HSPA9: variants seen among roughly 807,000 people sequenced by gnomAD.
HSPA9 encodes stress-70 protein, mitochondrial.
Under a neutral mutation model 81.5 loss-of-function variants are expected in HSPA9, and 28 were observed. The observed-to-expected ratio is 0.34, with a 90% confidence interval of 0.25 to 0.47. HSPA9 has a LOEUF of 0.47. Among genes scored for constraint, HSPA9 ranks in the 20% least tolerant of loss-of-function variants. The probability of loss-of-function intolerance (pLI) is 1.00; values close to 1 mark genes in which losing one functional copy is unlikely to be tolerated. For missense variants in HSPA9, 678 were observed against 838.0 expected (o/e 0.81, Z 2.36); for synonymous variants, 293 against 290.4 (o/e 1.01, Z -0.09).
At chr5:138,561,512 C>A in intron 10 of HSPA9, 68 bp downstream of exon 10, 1 of 1,269,936 alleles carries the variant, frequency 7.9e-7, no homozygotes, top group Non-Finnish European at 1.1e-6. Context: ...TATATTTGTG[C>A]CACCTGTCCC....
intron 3 of HSPA9, 82 bp from the exon 4 acceptor site, chr5:138,571,223 A>G (rs952246983): frequency 2.1e-5 from 29 of 1,381,674 alleles, no homozygotes; most frequent in Middle Eastern, 2.5e-4. Context: ...CTCTGTCGCT[A>G]AGGCTGGAGT....
intron 5 of HSPA9, among the ~76,000 whole-genome samples, chr5:138,568,362 A>G (rs1750810870): frequency 6.6e-6 from 1 of 151,598 alleles, no homozygotes; most frequent in Non-Finnish European, 1.5e-5. Context: ...GTGGCTAGGC[A>G]TGATGGCGCA....
Position 138,558,655 on chromosome 5 carries a change from T to C in HSPA9, c.1413A>G (p.Val471=), listed in dbSNP as rs772354385. 1 of 1,604,036 alleles carries C rather than the reference T, an allele frequency of 6.2e-7. No homozygotes were observed. The highest frequency in any genetic ancestry group is 8.5e-7 in the Non-Finnish European group (1 of 1,170,866). ...TTTGACCATCAGCGGCAGTAGAGAATACCTAGGGAAGAAGAAACCCTCCTG... is the reference window on the plus strand; with the variant it reads ...TTTGACCATCAGCGGCAGTAGAGAACACCTAGGGAAGAAGAAACCCTCCTG... ...NTTIPTKKSQ[V]FSTAADGQTQ... The change falls in exon 12 of 17, where the codon GTA becomes GTG. Residue 471 remains valine, a splice_region_variant and synonymous_variant. Transcript: ENST00000297185.
intron 14 of HSPA9, 194 bp from the exon 15 acceptor site, chr5:138,557,060 T>C: frequency 3.1e-6 from 2 of 635,776 alleles, no homozygotes; most frequent in Non-Finnish European, 5.6e-6. Flanking sequence ...AACATCAGAA[T>C]TGTGACAGGG....
rs1285567297 is a variant in HSPA9 at position 138,559,851 on chromosome 5, T to C, written c.1410+13A>G. 3.2e-6 allele frequency: 5 copies of C among 1,547,216 alleles called. No homozygotes were observed. Among genetic ancestry groups the C allele is most frequent in the Non-Finnish European group, 4.5e-6 (5 of 1,119,194 alleles). ...AAAACCCATGTGACAAGGTAGGAAG[T>C]GATGGCTCTTACCTGGCTCTTCTTG... On this transcript the variant is annotated intron_variant, in intron 11 of 16. Transcript: ENST00000297185.
intron 13 of HSPA9, 137 bp from the exon 14 acceptor site, chr5:138,557,633 C>T: frequency 1.3e-6 from 1 of 748,028 alleles, no homozygotes; most frequent in Middle Eastern, 3.6e-4. Context: ...ACCCTATAGT[C>T]CTATAAAGCA....
At position 138,573,853 on chromosome 5, in the gene HSPA9, GTAAGACAT is replaced by G; in HGVS notation, c.141-11_141-4del. 6.2e-7 allele frequency: 1 copy of G among 1,606,808 alleles called. No individual in the cohort carries two copies. The highest frequency in any genetic ancestry group is 8.5e-7 in the Non-Finnish European group (1 of 1,173,538). ...CTGCTCCCTTGATTGCTTCTGATCT[GTAAGACAT>G]TTAGAACAGTGTCACAGCTATTGTT... On this transcript the variant is annotated splice_polypyrimidine_tract_variant and splice_region_variant and intron_variant, in intron 2 of 16. Coordinates refer to ENST00000297185, the MANE Select transcript of HSPA9 (RefSeq NM_004134.7).
rs752582450 is a variant in HSPA9, at chr5:138,568,971, C to T, written c.489G>A (p.Pro163=). 55 of 1,613,806 alleles carry T rather than the reference C, an allele frequency of 3.4e-5. 3 individuals carry two copies. Among genetic ancestry groups the T allele is most frequent in the Admixed American group, 2.3e-4 (14 of 59,984 alleles). Reference sequence around the variant, plus strand: ...TCAACACAAATGCTCCAATCTGACTCGGAGAATACAATTTCCCATGAGCCT... The same window carrying T: ...TCAACACAAATGCTCCAATCTGACTTGGAGAATACAATTTCCCATGAGCCT... ...WVEAHGKLYS[P]SQIGAFVLMK... Residue 163 remains proline, a synonymous_variant, in exon 5 of 17, where the codon CCG becomes CCA. Coordinates refer to ENST00000297185, the MANE Select transcript of HSPA9 (RefSeq NM_004134.7).
intron 3 of HSPA9, among the ~76,000 whole-genome samples, chr5:138,573,390 G>A (rs1455932893): frequency 6.6e-6 from 1 of 152,090 alleles, no homozygotes; most frequent in Non-Finnish European, 1.5e-5. Context: ...GCCAGGCTTA[G>A]TGGTTCACAT....
At chr5:138,561,920 T>TTAAATGAA in intron 9 of HSPA9, 131 bp from the exon 10 acceptor site, 1 of 759,222 alleles carries the variant, frequency 1.3e-6, no homozygotes, top group East Asian at 2.6e-5. Context: ...GAGATCTAAT[T>TTAAATGAA]TAAATGAATA....
In HSPA9 at chr5:138,575,107, C is replaced by A. The variant is rs1751059339; in HGVS notation, c.81+131G>T. On this transcript the variant is annotated intron_variant, in intron 1 of 16. Coordinates refer to ENST00000297185, the MANE Select transcript of HSPA9 (RefSeq NM_004134.7). ...CCCGGCAGCGCTAACTATGGAAGGC[C>A]CGTTACCTTCCTTCCCGCCTGACCT... The A allele has an allele frequency of 5.1e-5, 34 of 669,970 alleles. 1 individual carries two copies. In the South Asian group the frequency reaches 6.1e-4, roughly 12 times the overall value. 41.5% of individuals were successfully genotyped at this position (669,970 alleles called of 1,614,324 possible). A position where few individuals can be genotyped will look rare whatever the true frequency, so the allele number is the denominator to read the frequency against.
chr5:138,567,189 AG>A (rs756397191), intron 7 of HSPA9, 26 bp from the exon 8 acceptor site: 2 of 1,416,336 alleles, frequency 1.4e-6, no homozygotes, highest in Non-Finnish European at 2.0e-6. Flanking sequence ...GAAAAAAAAA[AG>A]AAAAGAAATC....
rs1472690352 is a variant in HSPA9 at position 138,555,920 on chromosome 5, T to C, written c.*117A>G. On this transcript the variant is annotated 3_prime_UTR_variant, in exon 17 of 17. Transcript: ENST00000297185. ...AAATTTACAAATTAAGGAAATTATA[T>C]ATAGAATACTGCAAAAACACAGTAA... 1.4e-6 allele frequency: 1 copy of C among 737,938 alleles called. No homozygotes were observed. Among genetic ancestry groups the C allele is most frequent in the East Asian group, 2.6e-5 (1 of 37,756 alleles). 45.7% of individuals were successfully genotyped at this position (737,938 alleles called of 1,614,324 possible).
Position 138,556,881 on chromosome 5 carries a change from A to C in HSPA9, c.1729-15T>G, listed in dbSNP as rs2127152602. 1.3e-6 allele frequency: 2 copies of C among 1,593,646 alleles called. No individual in the cohort carries two copies. The highest frequency in any genetic ancestry group is 1.1e-5 in the South Asian group (1 of 90,642). On this transcript the variant is annotated splice_polypyrimidine_tract_variant and intron_variant, in intron 14 of 16. Coordinates refer to ENST00000297185, the MANE Select transcript of HSPA9 (RefSeq NM_004134.7). ...TCAACTCGTTCCTTAGAGAAATTAG[A>C]AGTTTAAACGAAGACTTTCCAATCA...
chr5:138,561,868 C>T (rs1175973667), intron 9 of HSPA9, 79 bp from the exon 10 acceptor site: 35 of 1,110,740 alleles, frequency 3.2e-5, no homozygotes, highest in Non-Finnish European at 4.2e-5. Context: ...TAAAATATGA[C>T]CATGCCCTAG....
At chr5:138,563,829 T>C (rs1750707414) in intron 9 of HSPA9, among the ~76,000 whole-genome samples, 1 of 152,230 alleles carries the variant, frequency 6.6e-6, no homozygotes, top group Non-Finnish European at 1.5e-5. Flanking sequence ...AGTTTACAAA[T>C]TTGTGTTGGG....
At chr5:138,566,884 G>C in intron 8 of HSPA9, 117 bp downstream of exon 8, 1 of 1,202,884 alleles carries the variant, frequency 8.3e-7, no homozygotes, top group Admixed American at 1.7e-5. Context: ...TCTGAAAAGA[G>C]TATCTGTGTC....
rs1750492011 is a variant in HSPA9, at chr5:138,555,163, CATGCTG to C, written c.*868_*873del. 6.6e-6 allele frequency: 1 copy of C among 152,124 alleles called. No individual in the cohort carries two copies. The highest frequency in any genetic ancestry group is 6.5e-5 in the Admixed American group (1 of 15,268). The allele number at this position is 152,124 out of a possible 1,614,324, so 9.4% of individuals were successfully genotyped here. A position where few individuals can be genotyped will look rare whatever the true frequency, so the allele number is the denominator to read the frequency against. On this transcript the variant is annotated 3_prime_UTR_variant, in exon 17 of 17. Transcript: ENST00000297185. ...TAAAATCCTTCAAACAAGATTTGCA[CATGCTG>C]ATACTGCTCATTATTTCATTATAAC...
At chr5:138,561,917 A>C (rs1246741031) in intron 9 of HSPA9, 128 bp from the exon 10 acceptor site, 2 of 757,684 alleles carry the variant, frequency 2.6e-6, no homozygotes, top group East Asian at 5.2e-5. Flanking sequence ...GGTGAGATCT[A>C]ATTTAAATGA....
Sources: allele counts gnomAD v4.1 joint callset (sites outside exome capture counted in the v4.1 genomes callset), GRCh38; gene constraint gnomAD v4.1.1; transcripts MANE v1.5; gene names NCBI Gene and HGNC (gene_info 2026-07-23, HGNC 2026-07-21).